NEB: variants seen among roughly 807,000 people sequenced by gnomAD.
NEB encodes nebulin.
A neutral mutation model predicts 952.2 loss-of-function variants in NEB; 512 were observed. The ratio of observed to expected loss-of-function variants is 0.54; its 90% CI spans 0.50 to 0.58. The LOEUF is 0.58. NEB is among the 20% of genes least tolerant of loss of function. The probability of loss-of-function intolerance (pLI) is 0.00; values close to 1 mark genes in which losing one functional copy is unlikely to be tolerated. For missense variants in NEB, 8,428 were observed against 9,231.1 expected (o/e 0.91, Z 3.56); for synonymous variants, 2,900 against 3,149.8 (o/e 0.92, Z 2.66).
intron 68 of NEB, among the ~76,000 whole-genome samples, chr2:151,628,667 G>A (rs891810472): frequency 6.6e-5 from 10 of 151,830 alleles, no homozygotes; most frequent in South Asian, 2.1e-4. Context: ...ATGGTGCAAC[G>A]CTGTCTCTAC....
rs577448257 is a variant in NEB, at chr2:151,725,436, T to C, written c.402+17A>G. The stretch of plus-strand genomic sequence containing the variant: ...TTTTGAAATGTCCCTCTCCTTTATT[T>C]CAGCAATGCAGCCCACCTCACTGAG... On this transcript the variant is annotated intron_variant, in intron 6 of 181. Transcript: ENST00000397345. 1 of 1,597,210 alleles carries C rather than the reference T, an allele frequency of 6.3e-7. No individual in the cohort carries two copies. Among genetic ancestry groups the C allele is most frequent in the Admixed American group, 1.7e-5 (1 of 59,476 alleles).
chr2:151,519,087 A>G lies in NEB; in HGVS notation c.22591-18T>C, dbSNP rs2080116767. On this transcript the variant is annotated intron_variant, in intron 154 of 181. Coordinates refer to ENST00000397345, the MANE Select transcript of NEB (RefSeq NM_001164508.2). ...TATTTAACCTGTGTGTTATGGGGGA[A>G]GAAAGGAAATCACGTAAATAGGAAA... The G allele has an allele frequency of 2.0e-6, 3 of 1,502,538 alleles. No homozygotes were observed. Among genetic ancestry groups the G allele is most frequent in the Non-Finnish European group, 2.8e-6 (3 of 1,078,828 alleles). 93.1% of individuals were successfully genotyped at this position (1,502,538 alleles called of 1,614,324 possible).
At chr2:151,726,568 T>C (rs1474409938) in intron 5 of NEB, among the ~76,000 whole-genome samples, 1 of 152,186 alleles carries the variant, frequency 6.6e-6, no homozygotes, top group Non-Finnish European at 1.5e-5. Context: ...CAGCCCACCA[T>C]GGACAATAAA....
Position 151,689,798 on chromosome 2 carries a change from T to A in NEB, c.2310+929A>T, listed in dbSNP as rs539979338. Reference sequence around the variant, plus strand: ...AGTGATGTTAGTGTTTAGCTGTTCTTTATTGGGACACAAAATATTAAGATG... The same window carrying A: ...AGTGATGTTAGTGTTTAGCTGTTCTATATTGGGACACAAAATATTAAGATG... On this transcript the variant is annotated intron_variant, in intron 24 of 181. Transcript: ENST00000397345. The A allele has an allele frequency of 1.2e-3, 186 of 152,314 alleles. 2 individuals are homozygous for A. The highest frequency in any genetic ancestry group is 3.9e-3 in the African/African-American group (164 of 41,560). 9.4% of individuals were successfully genotyped at this position (152,314 alleles called of 1,614,324 possible). A position where few individuals can be genotyped will look rare whatever the true frequency, so the allele number is the denominator to read the frequency against.
intron 170 of NEB, 82 bp from the exon 171 acceptor site, chr2:151,497,800 A>C (rs565189262): frequency 1.0e-4 from 155 of 1,539,552 alleles, no homozygotes; most frequent in Non-Finnish European, 1.3e-4. Context: ...AGGAAAAAAC[A>C]CAGTCATCCA....
chr2:151,548,431 C>A lies in NEB; in HGVS notation c.20050-16G>T. On this transcript the variant is annotated splice_polypyrimidine_tract_variant and intron_variant, in intron 130 of 181. Transcript: ENST00000397345. ...TGTACTTGAACTGCAAAAGCAAAGT[C>A]AGAATGAGATCAATGATGGGTAAAC... is the stretch of plus-strand genomic sequence containing the variant. 6.6e-7 allele frequency: 1 copy of A among 1,511,612 alleles called. No individual in the cohort carries two copies. The highest frequency in any genetic ancestry group is 1.1e-5 in the South Asian group (1 of 88,822). 93.6% of individuals were successfully genotyped at this position (1,511,612 alleles called of 1,614,324 possible).
rs1188741322 is a variant in NEB at position 151,502,397 on chromosome 2, AAAACTT to A, written c.23928+390_23928+395del. 2.0e-5 allele frequency among the ~76,000 whole-genome samples: 3 copies of A among 152,150 alleles called. No homozygotes were observed. The East Asian group carries it at 5.8e-4, about 29-fold the overall frequency. The stretch of plus-strand genomic sequence containing the variant: ...ATAAACATCTAAACATAAAAAAAAA[AAAACTT>A]AAAAGCTGCAAACATAAAGAATACA... On this transcript the variant is annotated intron_variant, in intron 167 of 181. Coordinates refer to ENST00000397345, the MANE Select transcript of NEB (RefSeq NM_001164508.2).
intron 163 of NEB, 72 bp downstream of exon 163, chr2:151,506,837 G>T (rs1405835385): frequency 2.1e-6 from 2 of 972,024 alleles, no homozygotes; most frequent in Non-Finnish European, 3.3e-6. Context: ...TCAATATAAG[G>T]CTAGTATATT....
intron 153 of NEB, among the ~76,000 whole-genome samples, chr2:151,520,742 T>TA (rs143799133): frequency 0.015 from 2,252 of 152,222 alleles, 79 homozygotes; most frequent in East Asian, 0.14. Context: ...TGCACCCCTG[T>TA]AGTCTCAGCT....
In NEB at chr2:151,485,797, G is replaced by A; in HGVS notation, c.25541C>T (p.Thr8514Ile). Residue 8514 changes from threonine to isoleucine, a missense_variant, in exon 182 of 182, where the codon ACC becomes ATC. This residue lies in a region of NEB where 3,374 missense variants were observed against 3,651.5 expected (regional missense o/e 0.92). Coordinates refer to ENST00000397345, the MANE Select transcript of NEB (RefSeq NM_001164508.2). ...MYGTVQRTGR[T>I]GMLPANYVEA... ...AACGTAGTTGGCTGGGAGCATTCCGGTCCTGCCAGTCCTCTGCACAGTGCC... is the reference window on the plus strand; with the variant it reads ...AACGTAGTTGGCTGGGAGCATTCCGATCCTGCCAGTCCTCTGCACAGTGCC... 1 of 1,612,936 alleles carries A rather than the reference G, an allele frequency of 6.2e-7. No homozygotes were observed.
chr2:151,503,918 A>C (rs2066778805), intron 165 of NEB, among the ~76,000 whole-genome samples: 1 of 152,222 alleles, frequency 6.6e-6, no homozygotes, highest in Admixed American at 6.5e-5. Context: ...AATCTGTAGG[A>C]GCCTAGTCCC....
Position 151,672,349 on chromosome 2 carries a change from C to A in NEB, c.4299+20G>T. On this transcript the variant is annotated intron_variant, in intron 37 of 181. Transcript: ENST00000397345. ...CCTTTAAGTGCAAACATCTCTGGGT[C>A]TGTTGTTACACATACTTACATCACT... is the stretch of plus-strand genomic sequence containing the variant. 2 of 1,555,170 alleles carry A rather than the reference C, an allele frequency of 1.3e-6. No individual in the cohort carries two copies. Among genetic ancestry groups the A allele is most frequent in the South Asian group, 1.2e-5 (1 of 81,502 alleles).
chr2:151,510,779 A>T (rs548714740), intron 161 of NEB, among the ~76,000 whole-genome samples: 1 of 152,332 alleles, frequency 6.6e-6, no homozygotes, highest in African/African-American at 2.4e-5. Flanking sequence ...TCAGGCATCC[A>T]CTAGAGGTCT....
At chr2:151,707,022 A>AAATAACCCATAG in intron 12 of NEB, 25 bp from the exon 13 acceptor site, 1 of 1,449,348 alleles carries the variant, frequency 6.9e-7, no homozygotes, top group Non-Finnish European at 9.5e-7. Context: ...TAAAATGATA[A>AAATAACCCATAG]AGTAACTCTA....
chr2:151,537,927 A>G lies in NEB; in HGVS notation c.21047T>C (p.Ile7016Thr), dbSNP rs1274967452. The stretch of plus-strand genomic sequence containing the variant: ...GTGGAAATGCTCTGGACGATCAGGA[A>G]TGGACCTCCAGATACCCAACTGGCT... ...YMSQLGIWRS[I>T]PDRPEHFHHR... Residue 7016 changes from isoleucine to threonine, a missense_variant, in exon 140 of 182, where the codon ATT (isoleucine) becomes ACT (threonine). Coordinates refer to ENST00000397345, the MANE Select transcript of NEB (RefSeq NM_001164508.2). The G allele has an allele frequency of 1.2e-6, 2 of 1,613,554 alleles. No homozygotes were observed. Among genetic ancestry groups the G allele is most frequent in the Non-Finnish European group, 1.7e-6 (2 of 1,179,618 alleles).
At position 151,727,801 on chromosome 2, in the gene NEB, A is replaced by ATGCTGGCTGTGCCAG. The variant is rs377452683; in HGVS notation, c.169_183dup (p.Leu57_Ala61dup). 1.4e-4 allele frequency: 226 copies of ATGCTGGCTGTGCCAG among 1,612,006 alleles called. No individual in the cohort carries two copies. In the East Asian group the frequency reaches 1.6e-3, roughly 11 times the overall value. Reference sequence around the variant, plus strand: ...TTCCTCCTCTCCACCGGCTTTGCTGATGCTGGCTGTGCCAGTGCTGGCTGT... The same window carrying ATGCTGGCTGTGCCAG: ...TTCCTCCTCTCCACCGGCTTTGCTGATGCTGGCTGTGCCAGTGCTGGCTGTGCCAGTGCTGGCTGT... On this transcript the variant is annotated inframe_insertion, in exon 5 of 182. Transcript: ENST00000397345.
Position 151,671,271 on chromosome 2 carries a change from T to C in NEB, c.4300-42A>G, listed in dbSNP as rs927144187. ...TAATATGAGAAGATACCCTGGAGAA[T>C]ATTCAAGGGATGTTTCTGGGATCTG... On this transcript the variant is annotated intron_variant, in intron 37 of 181. Coordinates refer to ENST00000397345, the MANE Select transcript of NEB (RefSeq NM_001164508.2). The C allele has an allele frequency of 2.0e-6, 3 of 1,504,840 alleles. No individual in the cohort carries two copies. The African/African-American group carries it at 4.1e-5, about 21-fold the overall frequency. The allele number at this position is 1,504,840 out of a possible 1,614,324, so 93.2% of individuals were successfully genotyped here. A position where few individuals can be genotyped will look rare whatever the true frequency, so the allele number is the denominator to read the frequency against.
intron 88 of NEB, among the ~76,000 whole-genome samples, chr2:151,601,451 T>A (rs1232076830): frequency 9.0e-6 from 1 of 111,482 alleles, no homozygotes; most frequent in African/African-American, 3.6e-5. Flanking sequence ...AAATTTTATT[T>A]AAAAATGTGT....
chr2:151,530,678 A>C, intron 145 of NEB: 1 of 230,822 alleles, frequency 4.3e-6, no homozygotes, highest in Non-Finnish European at 8.4e-6. Flanking sequence ...GGCCACATGA[A>C]GGGGTTCCTG....
Sources: gnomAD v4.1 joint callset for allele counts (sites outside exome capture counted in the v4.1 genomes callset) on GRCh38, gnomAD v4.1.1 for gene constraint, gnomAD v4.1.1 regional missense constraint, MANE v1.5 for transcripts, NCBI Gene and HGNC (gene_info 2026-07-23, HGNC 2026-07-21) for gene names.